Variants in LRP1B observed in about 807,000 individuals in gnomAD.
LRP1B encodes low-density lipoprotein receptor-related protein 1B.
In LRP1B, 217 loss-of-function variants were observed where a neutral mutation model predicts 556.6. That is an observed-to-expected ratio of 0.39 (90% CI 0.35 to 0.44). The LOEUF (loss-of-function observed/expected upper bound fraction) is 0.44. Ranked by LOEUF, LRP1B falls within the 20% of genes least tolerant of loss-of-function variation. The pLI is 1.00. For missense variants in LRP1B, 5,053 were observed against 5,620.8 expected, an observed-to-expected ratio of 0.90 and a Z score of 3.23; for synonymous variants, 2,047 against 1,865.8, an observed-to-expected ratio of 1.10 and a Z score of -2.50.
At chr2:142,115,321 A>G (rs929389075) in intron 1 of LRP1B, among the ~76,000 whole-genome samples, 1 of 149,560 alleles carries the variant, frequency 6.7e-6, no homozygotes, top group Admixed American at 6.9e-5. Context: ...AAGGTTGAAG[A>G]TATGTCAAAG....
Position 140,821,948 on chromosome 2 carries a change from CA to C in LRP1B, c.5210-8143del, listed in dbSNP as rs371473927. Reference sequence around the variant, plus strand: ...CTGGGAGGCAGAAGTTGCAGTGAGACAAGTTGTGCCACTGCACTCCAGCCTG... The same window carrying C: ...CTGGGAGGCAGAAGTTGCAGTGAGACAGTTGTGCCACTGCACTCCAGCCTG... On this transcript the variant is annotated intron_variant, in intron 31 of 90. Transcript: ENST00000389484. 2.5e-4 allele frequency among the ~76,000 whole-genome samples: 37 copies of C among 150,732 alleles called. No individual in the cohort carries two copies. In the East Asian group the frequency reaches 6.5e-3, roughly 26 times the overall value.
At chr2:141,830,329 A>C (rs1000998437) in intron 1 of LRP1B, among the ~76,000 whole-genome samples, 1 of 151,782 alleles carries the variant, frequency 6.6e-6, no homozygotes, top group African/African-American at 2.4e-5. Context: ...TTCTAACCTC[A>C]TCACCTCCCA....
At chr2:141,919,316 G>A (rs139729953) in intron 1 of LRP1B, among the ~76,000 whole-genome samples, 2 of 152,082 alleles carry the variant, frequency 1.3e-5, no homozygotes, top group African/African-American at 4.8e-5. Context: ...GATGATATAT[G>A]TAAATTTTGG....
At chr2:141,552,890 A>T (rs1685805031) in intron 2 of LRP1B, among the ~76,000 whole-genome samples, 1 of 152,040 alleles carries the variant, frequency 6.6e-6, no homozygotes, top group African/African-American at 2.4e-5. Context: ...GTTGGAACAT[A>T]TAAGAATACT....
chr2:141,284,071 G>C (rs1214175008), intron 3 of LRP1B, among the ~76,000 whole-genome samples: 1 of 152,142 alleles, frequency 6.6e-6, no homozygotes, highest in Admixed American at 6.5e-5. Flanking sequence ...AATGACAGCT[G>C]AGTCAGGAAA....
At chr2:140,700,651 CATGTTT>C (rs1225776825) in intron 40 of LRP1B, 30 bp from the exon 41 acceptor site, 1 of 1,599,746 alleles carries the variant, frequency 6.3e-7, no homozygotes, top group Non-Finnish European at 8.5e-7. Context: ...CACACATGCA[CATGTTT>C]ATGTTTTTCT....
At chr2:140,238,630 C>T (rs1185353603) in intron 88 of LRP1B, among the ~76,000 whole-genome samples, 1 of 150,704 alleles carries the variant, frequency 6.6e-6, no homozygotes, top group Non-Finnish European at 1.5e-5. Context: ...GTTTTCAATC[C>T]CCAAGTTACA....
intron 20 of LRP1B, among the ~76,000 whole-genome samples, chr2:140,926,122 A>G (rs951898142): frequency 3.4e-5 from 5 of 147,574 alleles, no homozygotes; most frequent in African/African-American, 1.0e-4. Flanking sequence ...CATAACATCT[A>G]CTAAGGGTCA....
intron 3 of LRP1B, among the ~76,000 whole-genome samples, chr2:141,307,217 C>CA (rs1161274494): frequency 1.3e-5 from 2 of 151,970 alleles, no homozygotes; most frequent in East Asian, 3.9e-4. Context: ...TTGAAATCCC[C>CA]AAATATTATT....
intron 1 of LRP1B, among the ~76,000 whole-genome samples, chr2:141,851,706 T>A (rs544011410): frequency 1.3e-5 from 2 of 151,906 alleles, no homozygotes; most frequent in African/African-American, 2.4e-5. Context: ...TGTTTTAGTT[T>A]TACAATTAAG....
chr2:141,189,937 A>AAAGAAAGAAGGAAAAGG (rs1681431846), intron 6 of LRP1B, among the ~76,000 whole-genome samples: 1 of 150,314 alleles, frequency 6.7e-6, no homozygotes, highest in Admixed American at 6.7e-5. Context: ...CCTTTAGAAG[A>AAAGAAAGAAGGAAAAGG]AAGAAAGAAA....
chr2:141,792,118 A>C lies in LRP1B; in HGVS notation c.205+18161T>G, dbSNP rs757250537. Among the ~76,000 whole-genome samples the C allele has an allele frequency of 9.0e-4, 136 of 151,822 alleles. 1 individual carries two copies. The highest frequency in any genetic ancestry group is 1.7e-3 in the Non-Finnish European group (115 of 67,956). On this transcript the variant is annotated intron_variant, in intron 2 of 90. Transcript: ENST00000389484. The stretch of plus-strand genomic sequence containing the variant: ...CCACCTCCTCATAAATGCCATTTTC[A>C]TCACTAGTATTCACTTTGTTTATAT...
At chr2:141,958,031 G>A (rs1339212928) in intron 1 of LRP1B, among the ~76,000 whole-genome samples, 2 of 152,136 alleles carry the variant, frequency 1.3e-5, no homozygotes, top group African/African-American at 2.4e-5. Flanking sequence ...CTGACTCACT[G>A]AAGAGCTTGA....
chr2:141,426,313 A>G (rs7423217), intron 3 of LRP1B, among the ~76,000 whole-genome samples: 126,014 of 151,544 alleles, frequency 0.83, 52,874 homozygotes, highest in East Asian at 1. Flanking sequence ...ATGCTGTTTT[A>G]TTTACTGTAG....
intron 25 of LRP1B, among the ~76,000 whole-genome samples, chr2:140,870,524 T>C (rs1233516722): frequency 6.6e-6 from 1 of 152,194 alleles, no homozygotes; most frequent in Non-Finnish European, 1.5e-5. Context: ...TTTCTTCTGC[T>C]AATTTGCTGC....
At chr2:142,115,200 C>T (rs1559079109) in intron 1 of LRP1B, among the ~76,000 whole-genome samples, 1 of 151,132 alleles carries the variant, frequency 6.6e-6, no homozygotes, top group Non-Finnish European at 1.5e-5. Flanking sequence ...TTTCAACATC[C>T]TATGAAATGC....
intron 41 of LRP1B, among the ~76,000 whole-genome samples, chr2:140,637,754 G>A (rs185427564): frequency 9.9e-5 from 15 of 152,266 alleles, no homozygotes; most frequent in African/African-American, 3.6e-4. Context: ...GCTTTTGAAT[G>A]GCTCAATAGG....
chr2:141,063,790 C>T (rs1000428056), intron 7 of LRP1B, among the ~76,000 whole-genome samples: 3 of 151,900 alleles, frequency 2.0e-5, no homozygotes, highest in Admixed American at 2.0e-4. Context: ...AACTTTTTCT[C>T]ACAATGCCTC....
intron 1 of LRP1B, among the ~76,000 whole-genome samples, chr2:142,012,592 A>G (rs915495896): frequency 1.3e-5 from 2 of 152,136 alleles, no homozygotes; most frequent in African/African-American, 4.8e-5. Context: ...CAAGACACCA[A>G]GCAGCATGTT....
Sources: allele counts gnomAD v4.1 joint callset (sites outside exome capture counted in the v4.1 genomes callset), GRCh38; gene constraint gnomAD v4.1.1; transcripts MANE v1.5; gene names NCBI Gene and HGNC (gene_info 2026-07-23, HGNC 2026-07-21).